Variants in CAMK1D observed in about 807,000 individuals in gnomAD.
CAMK1D encodes calcium/calmodulin dependent protein kinase ID, also known as calcium/calmodulin-dependent protein kinase type 1D.
A neutral mutation model predicts 47.7 loss-of-function variants in CAMK1D; 9 were observed. The observed-to-expected ratio is 0.19, with a 90% CI of 0.11 to 0.33. CAMK1D has a LOEUF of 0.33. Ranked by LOEUF, CAMK1D falls within the 10% of genes least tolerant of loss-of-function variation. CAMK1D has a pLI of 1.00. For missense variants in CAMK1D, 291 were observed against 488.7 expected (o/e 0.60, Z 3.81); for synonymous variants, 184 against 184.9 (o/e 0.99, Z 0.04).
At chr10:12,382,718 G>A (rs961580119) in intron 1 of CAMK1D, among the ~76,000 whole-genome samples, 6 of 152,160 alleles carry the variant, frequency 3.9e-5, no homozygotes, top group African/African-American at 1.4e-4. Context: ...TGAGCTACTC[G>A]GGAGACTGAG....
Position 12,414,260 on chromosome 10 carries a change from C to T in CAMK1D, c.92+64350C>T, listed in dbSNP as rs372574789. Among the ~76,000 whole-genome samples the T allele has an allele frequency of 1.1e-3, 162 of 152,292 alleles. 1 individual carries two copies. Among genetic ancestry groups the T allele is most frequent in the African/African-American group, 3.7e-3 (152 of 41,560 alleles). On this transcript the variant is annotated intron_variant, in intron 1 of 10. Coordinates refer to ENST00000619168, the MANE Select transcript of CAMK1D (RefSeq NM_153498.4). ...TTGCTGAGTCTTGGATGTTTTATAA[C>T]GTTTTCTGATGACAATTGCAGTAAA...
intron 3 of CAMK1D, among the ~76,000 whole-genome samples, chr10:12,739,051 A>T (rs926511473): frequency 6.6e-5 from 10 of 151,890 alleles, no homozygotes; most frequent in African/African-American, 2.4e-4. Context: ...AGGTTGGACA[A>T]CATGGGGAAA....
intron 3 of CAMK1D, among the ~76,000 whole-genome samples, chr10:12,673,385 C>G (rs72771779): frequency 0.29 from 43,497 of 152,036 alleles, 6,923 homozygotes; most frequent in South Asian, 0.42. Context: ...TCAATTTATT[C>G]TGAAATATTT....
chr10:12,397,737 T>C (rs1353213055), intron 1 of CAMK1D, among the ~76,000 whole-genome samples: 2 of 152,118 alleles, frequency 1.3e-5, no homozygotes, highest in Non-Finnish European at 2.9e-5. Flanking sequence ...AGAGCCAAGG[T>C]AGTAGGAAAA....
intron 3 of CAMK1D, among the ~76,000 whole-genome samples, chr10:12,755,463 C>T (rs747837282): frequency 2.6e-5 from 4 of 152,186 alleles, no homozygotes; most frequent in Non-Finnish European, 5.9e-5. Context: ...AGTAAACATA[C>T]GTGTGCATGT....
intron 3 of CAMK1D, among the ~76,000 whole-genome samples, chr10:12,751,050 CA>C (rs1564535231): frequency 1.5e-5 from 2 of 132,542 alleles, no homozygotes; most frequent in Non-Finnish European, 3.1e-5. Flanking sequence ...CCGTCTCCCC[CA>C]ATAAGATAAG....
intron 1 of CAMK1D, among the ~76,000 whole-genome samples, chr10:12,500,458 G>A (rs1372447403): frequency 6.6e-6 from 1 of 152,166 alleles, no homozygotes. Context: ...GGTGGTGTCA[G>A]GGAGCCAGCA....
At chr10:12,545,814 A>G (rs1449162192) in intron 1 of CAMK1D, among the ~76,000 whole-genome samples, 1 of 152,028 alleles carries the variant, frequency 6.6e-6, no homozygotes, top group East Asian at 1.9e-4. Flanking sequence ...AAGAAAAAGA[A>G]AAAGACATGG....
chr10:12,757,720 G>T (rs1381423679), intron 3 of CAMK1D, among the ~76,000 whole-genome samples: 1 of 152,180 alleles, frequency 6.6e-6, no homozygotes, highest in Non-Finnish European at 1.5e-5. Flanking sequence ...TGCTAGTGTG[G>T]GAAGATTATA....
chr10:12,560,950 G>A (rs1455728438), intron 2 of CAMK1D, among the ~76,000 whole-genome samples: 1 of 150,020 alleles, frequency 6.7e-6, no homozygotes, highest in Non-Finnish European at 1.5e-5. Context: ...GTCTCGCTCT[G>A]TCACCCAGGC....
intron 1 of CAMK1D, among the ~76,000 whole-genome samples, chr10:12,372,492 C>T (rs1344216419): frequency 6.6e-6 from 1 of 152,196 alleles, no homozygotes; most frequent in Non-Finnish European, 1.5e-5. Flanking sequence ...GTCAGTTTTG[C>T]CCCTTGAGCT....
In CAMK1D at chr10:12,620,797, A is replaced by T. The variant is rs899582391; in HGVS notation, c.225-45939A>T. Among the ~76,000 whole-genome samples, 10 of 152,272 alleles carry T rather than the reference A, an allele frequency of 6.6e-5. No individual in the cohort carries two copies. In the East Asian group the frequency reaches 1.7e-3, roughly 26 times the overall value. On this transcript the variant is annotated intron_variant, in intron 2 of 10. Coordinates refer to ENST00000619168, the MANE Select transcript of CAMK1D (RefSeq NM_153498.4). ...GATGAAGTCCAATTTTTCTTTTTGG[A>T]AAAAATACAGGATGCTTTTGGTTTC...
intron 3 of CAMK1D, among the ~76,000 whole-genome samples, chr10:12,711,035 G>C (rs1235471851): frequency 6.6e-6 from 1 of 152,148 alleles, no homozygotes; most frequent in Admixed American, 6.5e-5. Flanking sequence ...ACATAAGCCT[G>C]TTGTTGGATA....
chr10:12,666,438 G>T (rs2132552476), intron 2 of CAMK1D, among the ~76,000 whole-genome samples: 1 of 152,292 alleles, frequency 6.6e-6, no homozygotes, highest in South Asian at 2.1e-4. Flanking sequence ...TCTGAGTTGG[G>T]CTCTACAAGA....
intron 2 of CAMK1D, among the ~76,000 whole-genome samples, chr10:12,649,274 G>T (rs7101243): frequency 2.6e-5 from 4 of 152,190 alleles, no homozygotes; most frequent in East Asian, 1.9e-4. Flanking sequence ...TGTGTTGTCA[G>T]GTTCCAAGTG....
At position 12,831,780 on chromosome 10, in the gene CAMK1D, A is replaced by G. The variant is rs768831280; in HGVS notation, c.*2893A>G. 5.9e-5 allele frequency: 9 copies of G among 152,238 alleles called. No individual in the cohort carries two copies. Among genetic ancestry groups the G allele is most frequent in the Non-Finnish European group, 1.2e-4 (8 of 68,050 alleles). The allele number at this position is 152,238 out of a possible 1,614,324, so 9.4% of individuals were successfully genotyped here. ...TTGGGTTAATTTCCTATTGCTTCAG[A>G]GAAAGAGAGGCGCTCTTGTGCTTTT... On this transcript the variant is annotated 3_prime_UTR_variant, in exon 11 of 11. Transcript: ENST00000619168.
intron 7 of CAMK1D, among the ~76,000 whole-genome samples, chr10:12,815,317 A>G (rs1401294085): frequency 6.6e-6 from 1 of 152,244 alleles, no homozygotes; most frequent in Non-Finnish European, 1.5e-5. Flanking sequence ...TCTACCACAG[A>G]GCATAGCAGA....
chr10:12,616,644 A>G (rs966483026), intron 2 of CAMK1D, among the ~76,000 whole-genome samples: 1 of 151,810 alleles, frequency 6.6e-6, no homozygotes, highest in African/African-American at 2.4e-5. Flanking sequence ...CAGCCTCCCG[A>G]GTAGCTGGGA....
intron 1 of CAMK1D, among the ~76,000 whole-genome samples, chr10:12,443,422 G>C (rs1166022788): frequency 6.6e-6 from 1 of 151,908 alleles, no homozygotes; most frequent in East Asian, 1.9e-4. Flanking sequence ...ACGAAGGCAC[G>C]AACCATGTGT....
Sources: allele counts gnomAD v4.1 joint callset (sites outside exome capture counted in the v4.1 genomes callset), GRCh38; gene constraint gnomAD v4.1.1; transcripts MANE v1.5; gene names NCBI Gene and HGNC (gene_info 2026-07-23, HGNC 2026-07-21).